GABBR2: variants seen among roughly 807,000 people sequenced by gnomAD.
GABBR2 encodes the protein gamma-aminobutyric acid type B receptor subunit 2.
Under a neutral mutation model 105.6 loss-of-function variants are expected in GABBR2, and 23 were observed. The ratio of observed to expected loss-of-function variants is 0.22; its 90% CI spans 0.16 to 0.31. GABBR2 has a LOEUF of 0.31. GABBR2 is among the 10% of genes least tolerant of loss of function. The probability of loss-of-function intolerance (pLI) is 1.00; values close to 1 mark genes in which losing one functional copy is unlikely to be tolerated. For synonymous variants in GABBR2, 478 were observed against 499.7 expected, an observed-to-expected ratio of 0.96 and a Z score of 0.58; for missense variants, 734 against 1,245.5, an observed-to-expected ratio of 0.59 and a Z score of 6.18.
At chr9:98,414,862 T>A (rs1038235042) in intron 7 of GABBR2, among the ~76,000 whole-genome samples, 2 of 152,180 alleles carry the variant, frequency 1.3e-5, no homozygotes, top group African/African-American at 2.4e-5. Flanking sequence ...ATAGGATCTA[T>A]CGGAGAACCC....
intron 13 of GABBR2, among the ~76,000 whole-genome samples, chr9:98,329,523 T>C (rs982091062): frequency 7.2e-5 from 11 of 152,314 alleles, no homozygotes; most frequent in Admixed American, 6.5e-4. Context: ...TGCAGAGTCA[T>C]TGGGCTACTG....
chr9:98,685,312 T>G (rs1483955150), intron 1 of GABBR2, among the ~76,000 whole-genome samples: 3 of 152,258 alleles, frequency 2.0e-5, no homozygotes, highest in Non-Finnish European at 4.4e-5. Flanking sequence ...TTGGTTTCCC[T>G]ACTTTTGAGG....
At chr9:98,332,856 T>C (rs1324158276) in intron 13 of GABBR2, among the ~76,000 whole-genome samples, 4 of 152,256 alleles carry the variant, frequency 2.6e-5, no homozygotes, top group Non-Finnish European at 5.9e-5. Context: ...TCGAGTCTTC[T>C]GTGTCTGAAT....
At chr9:98,612,705 C>T (rs1378714536) in intron 1 of GABBR2, among the ~76,000 whole-genome samples, 1 of 152,082 alleles carries the variant, frequency 6.6e-6, no homozygotes, top group Non-Finnish European at 1.5e-5. Flanking sequence ...TAGCATTACT[C>T]AAAAATAAAA....
chr9:98,513,725 T>C (rs934137524), intron 3 of GABBR2, among the ~76,000 whole-genome samples: 2 of 152,120 alleles, frequency 1.3e-5, no homozygotes, highest in African/African-American at 4.8e-5. Flanking sequence ...TCACACCAGT[T>C]AGAATGGCGA....
At chr9:98,390,100 C>T (rs750472705) in intron 9 of GABBR2, among the ~76,000 whole-genome samples, 7 of 152,128 alleles carry the variant, frequency 4.6e-5, no homozygotes, top group Non-Finnish European at 8.8e-5. Context: ...TTTGGCTGAG[C>T]GTGGTGGCTC....
intron 1 of GABBR2, among the ~76,000 whole-genome samples, chr9:98,675,124 T>G (rs1451864848): frequency 6.6e-6 from 1 of 152,126 alleles, no homozygotes; most frequent in Non-Finnish European, 1.5e-5. Flanking sequence ...GGAAGGGCCT[T>G]TTCTAGTTCC....
intron 1 of GABBR2, among the ~76,000 whole-genome samples, chr9:98,624,790 G>A (rs74815557): frequency 1.3e-5 from 2 of 152,212 alleles, no homozygotes; most frequent in Non-Finnish European, 2.9e-5. Flanking sequence ...GAGAATCAGT[G>A]GTGGGCCAGG....
At chr9:98,485,278 C>T (rs777483593) in intron 4 of GABBR2, among the ~76,000 whole-genome samples, 3 of 152,158 alleles carry the variant, frequency 2.0e-5, no homozygotes, top group African/African-American at 7.2e-5. Flanking sequence ...AAGGAAACAG[C>T]GGTGGGAATG....
chr9:98,522,452 TAAAG>T lies in GABBR2; in HGVS notation c.630+19417_630+19420del, dbSNP rs142551861. ...ATTTTTTCTTTATGAGTATCAAAAA[TAAAG>T]AAAGAATCCTACAAGCAACTGGTAC... On this transcript the variant is annotated intron_variant, in intron 3 of 18. Coordinates refer to ENST00000259455, the MANE Select transcript of GABBR2 (RefSeq NM_005458.8). Among the ~76,000 whole-genome samples, 618 of 152,112 alleles carry T rather than the reference TAAAG, an allele frequency of 4.1e-3. 2 individuals carry two copies. The highest frequency in any genetic ancestry group is 0.024 in the Middle Eastern group (7 of 292).
chr9:98,467,487 G>A (rs924395815), intron 6 of GABBR2, among the ~76,000 whole-genome samples: 11 of 152,184 alleles, frequency 7.2e-5, no homozygotes, highest in African/African-American at 7.2e-5. Context: ...AGAGAGCAGC[G>A]CTGTGAAGCT....
At chr9:98,424,317 T>C (rs1483071327) in intron 7 of GABBR2, among the ~76,000 whole-genome samples, 5 of 152,044 alleles carry the variant, frequency 3.3e-5, no homozygotes, top group Non-Finnish European at 4.4e-5. Context: ...AATTAGGTAT[T>C]GATGGGACGT....
At chr9:98,313,734 T>A (rs1464560239) in intron 13 of GABBR2, among the ~76,000 whole-genome samples, 1 of 149,982 alleles carries the variant, frequency 6.7e-6, no homozygotes, top group Non-Finnish European at 1.5e-5. Context: ...GGGTAAGGCA[T>A]GGGCATCCCC....
At chr9:98,503,955 A>C (rs772883688) in intron 3 of GABBR2, among the ~76,000 whole-genome samples, 1 of 152,142 alleles carries the variant, frequency 6.6e-6, no homozygotes, top group Non-Finnish European at 1.5e-5. Flanking sequence ...TGTGTAGCTA[A>C]AGTGGCTACT....
chr9:98,696,924 G>C (rs928245544), intron 1 of GABBR2, among the ~76,000 whole-genome samples: 1 of 152,140 alleles, frequency 6.6e-6, no homozygotes, highest in African/African-American at 2.4e-5. Flanking sequence ...ATGGGAGAGG[G>C]TGGGGTTGAA....
At chr9:98,377,804 C>T (rs375528444) in intron 11 of GABBR2, among the ~76,000 whole-genome samples, 33 of 152,236 alleles carry the variant, frequency 2.2e-4, no homozygotes, top group African/African-American at 7.5e-4. Context: ...TGTCATCAAG[C>T]GGGCATCTGT....
chr9:98,633,628 A>C (rs1829842068), intron 1 of GABBR2, among the ~76,000 whole-genome samples: 1 of 5,362 alleles, frequency 1.9e-4, no homozygotes, highest in African/African-American at 2.5e-3. Flanking sequence ...CTCCATCTCA[A>C]AAAAAAAAAA....
chr9:98,690,407 G>C (rs1830669396), intron 1 of GABBR2, among the ~76,000 whole-genome samples: 1 of 152,000 alleles, frequency 6.6e-6, no homozygotes, highest in Admixed American at 6.6e-5. Flanking sequence ...ATTTATTTTT[G>C]GTATAAATCC....
chr9:98,298,302 T>C (rs909344943), intron 17 of GABBR2, among the ~76,000 whole-genome samples: 1 of 152,202 alleles, frequency 6.6e-6, no homozygotes, highest in African/African-American at 2.4e-5. Flanking sequence ...CTATAAAATG[T>C]GCCATGTTTT....
Sources: allele counts gnomAD v4.1 joint callset (sites outside exome capture counted in the v4.1 genomes callset), GRCh38; gene constraint gnomAD v4.1.1; transcripts MANE v1.5; gene names NCBI Gene and HGNC (gene_info 2026-07-23, HGNC 2026-07-21).